Variants in AKNA observed in about 807,000 individuals in gnomAD.
The protein encoded by AKNA is microtubule organization protein AKNA.
In AKNA, 67 loss-of-function variants were observed where a neutral mutation model predicts 138.8. The observed-to-expected ratio is 0.48, with a 90% CI of 0.40 to 0.59. The LOEUF (loss-of-function observed/expected upper bound fraction) is 0.59, where lower values mean the gene tolerates loss of function less well. Ranked by LOEUF, AKNA falls within the 20% of genes least tolerant of loss-of-function variation. AKNA has a pLI of 0.00. For synonymous variants in AKNA, 737 were observed against 754.4 expected (o/e 0.98, Z 0.38); for missense variants, 1,813 against 1,880.4 (o/e 0.96, Z 0.66).
chr9:114,338,636 C>T (rs1418755650), intron 21 of AKNA, among the ~76,000 whole-genome samples: 1 of 152,238 alleles, frequency 6.6e-6, no homozygotes, highest in Admixed American at 6.5e-5. Flanking sequence ...AGCTCAGGCC[C>T]TGGAGCCCTG....
At chr9:114,354,309 T>A (rs1044806392) in intron 14 of AKNA, among the ~76,000 whole-genome samples, 1 of 152,156 alleles carries the variant, frequency 6.6e-6, no homozygotes, top group Non-Finnish European at 1.5e-5. Context: ...AATATCCCTG[T>A]CTTCTACCTC....
intron 17 of AKNA, 125 bp downstream of exon 17, chr9:114,346,544 T>C (rs1173813968): frequency 1.4e-6 from 1 of 716,638 alleles, no homozygotes; most frequent in Non-Finnish European, 2.3e-6. Context: ...TATAATATCC[T>C]AAAACAGATG....
chr9:114,397,829 C>G (rs377229770), upstream of AKNA, among the ~76,000 whole-genome samples: 140 of 152,322 alleles, frequency 9.2e-4, 2 homozygotes, highest in East Asian at 9.7e-3. Context: ...GGCTGCCTAC[C>G]CGACACTGGC....
Position 114,341,726 on chromosome 9 carries a change from C to T in AKNA, c.3875-1G>A. ...CTCCTCGTGGTGGCCTTCTCTGCCC[C>T]TATCAGGGAGGGAACAGCACAGAGA... On this transcript the variant is annotated splice_acceptor_variant, in intron 20 of 21. Coordinates refer to ENST00000374088, the MANE Select transcript of AKNA (RefSeq NM_001317950.2). LOFTEE classifies it high-confidence loss of function. 1.3e-6 allele frequency: 2 copies of T among 1,561,760 alleles called. No homozygotes were observed. The highest frequency in any genetic ancestry group is 1.7e-6 in the Non-Finnish European group (2 of 1,157,732).
intron 6 of AKNA, among the ~76,000 whole-genome samples, chr9:114,366,352 C>T (rs1252965830): frequency 6.6e-6 from 1 of 150,944 alleles, no homozygotes; most frequent in Non-Finnish European, 1.5e-5. Flanking sequence ...ACTTTGAAAA[C>T]ATCATGGTAA....
intron 1 of AKNA, 130 bp from the exon 2 acceptor site, chr9:114,381,576 G>T: frequency 1.1e-6 from 1 of 919,780 alleles, no homozygotes; most frequent in Non-Finnish European, 1.4e-6. Context: ...TCCCGAAGCT[G>T]TGTCACCTTG....
chr9:114,357,105 G>A, intron 12 of AKNA, 136 bp from the exon 13 acceptor site: 1 of 663,448 alleles, frequency 1.5e-6, no homozygotes, highest in Non-Finnish European at 2.4e-6. Context: ...CAACAGCCAG[G>A]CCCAGGAGTG....
At chr9:114,356,254 A>C in intron 13 of AKNA, 118 bp from the exon 14 acceptor site, 1 of 906,260 alleles carries the variant, frequency 1.1e-6, no homozygotes, top group Non-Finnish European at 1.6e-6. Context: ...GTAACTTTGC[A>C]TCTCGGGTGG....
Position 114,381,911 on chromosome 9 carries a change from A to G in AKNA, c.-113-465T>C, listed in dbSNP as rs10982186. On this transcript the variant is annotated intron_variant, in intron 1 of 21. Coordinates refer to ENST00000374088, the MANE Select transcript of AKNA (RefSeq NM_001317950.2). ...TGATCCACCCGCCTTGGCCTCCCAA[A>G]GTGCTGGGATTACAGGTGTGAGCCA... Among the ~76,000 whole-genome samples, 199 of 152,156 alleles carry G rather than the reference A, an allele frequency of 1.3e-3. 5 individuals are homozygous for G. In the East Asian group the frequency reaches 0.031, roughly 23 times the overall value.
At chr9:114,382,748 T>C (rs1833779249) in intron 1 of AKNA, among the ~76,000 whole-genome samples, 2 of 152,172 alleles carry the variant, frequency 1.3e-5, no homozygotes, top group Admixed American at 1.3e-4. Context: ...TATAGTGTGA[T>C]TCTATGGATA....
chr9:114,383,338 A>G (rs750993479), intron 1 of AKNA, among the ~76,000 whole-genome samples: 1 of 151,812 alleles, frequency 6.6e-6, no homozygotes, highest in Non-Finnish European at 1.5e-5. Context: ...CGCTCCTGCT[A>G]TTTCCCTAAG....
chr9:114,332,398 T>A (rs1020886456), downstream of AKNA, among the ~76,000 whole-genome samples: 2 of 152,150 alleles, frequency 1.3e-5, no homozygotes, highest in African/African-American at 4.8e-5. Flanking sequence ...AATTACTGTA[T>A]AATGAGCTCC....
At chr9:114,347,331 T>C (rs1341147234) in intron 16 of AKNA, among the ~76,000 whole-genome samples, 1 of 152,142 alleles carries the variant, frequency 6.6e-6, no homozygotes, top group Non-Finnish European at 1.5e-5. Flanking sequence ...GCAATTCTCC[T>C]GCCTCAGCCT....
intron 20 of AKNA, 25 bp from the exon 21 acceptor site, chr9:114,341,750 G>A: frequency 6.5e-7 from 1 of 1,539,350 alleles, no homozygotes; most frequent in Non-Finnish European, 8.7e-7. Flanking sequence ...ACAGCACAGA[G>A]AGACAGAGTC....
chr9:114,360,244 C>A, intron 9 of AKNA, 182 bp from the exon 10 acceptor site: 1 of 738,864 alleles, frequency 1.4e-6, no homozygotes, highest in African/African-American at 1.7e-5. Context: ...GTCTTCGATA[C>A]TGGCTGCCAT....
chr9:114,340,490 T>G (rs1379711310), intron 21 of AKNA, among the ~76,000 whole-genome samples: 1 of 152,240 alleles, frequency 6.6e-6, no homozygotes, highest in Non-Finnish European at 1.5e-5. Context: ...AGCTACTGTT[T>G]GCTCAGCAAT....
intron 1 of AKNA, among the ~76,000 whole-genome samples, chr9:114,387,178 C>T (rs1834095670): frequency 6.6e-6 from 1 of 152,130 alleles, no homozygotes; most frequent in South Asian, 2.1e-4. Context: ...TCAACCATAC[C>T]CCCACCCACC....
In AKNA at chr9:114,361,845, C is replaced by T. The variant is rs534516846; in HGVS notation, c.1983G>A (p.Gln661=). 276 of 1,612,026 alleles carry T rather than the reference C, an allele frequency of 1.7e-4. 2 individuals are homozygous for T. The South Asian group carries it at 2.9e-3, about 17-fold the overall frequency. ...CLEELKEHID[Q]TQQEPEPPGS... ...CGGGCGGCTCAGGCTCTTGCTGGGT[C>T]TGGTCTATGTGTTCCTTCAGCTCTT... is the stretch of plus-strand genomic sequence containing the variant. Residue 661 remains glutamine, a synonymous_variant, in exon 9 of 22, where the codon CAG becomes CAA. Transcript: ENST00000374088.
Position 114,361,828 on chromosome 9 carries a change from T to G in AKNA, c.2000A>C (p.Glu667Ala). ...EHIDQTQQEP[E>A]PPGSDSALDS... is the part of the protein sequence containing the mutation. Reference sequence around the variant, plus strand: ...CAGAGCTGAGTCTGACCCGGGCGGCTCAGGCTCTTGCTGGGTCTGGTCTAT... The same window carrying G: ...CAGAGCTGAGTCTGACCCGGGCGGCGCAGGCTCTTGCTGGGTCTGGTCTAT... Residue 667 changes from glutamate to alanine, a missense_variant, in exon 9 of 22, where the codon GAG (glutamate) becomes GCG (alanine). Coordinates refer to ENST00000374088, the MANE Select transcript of AKNA (RefSeq NM_001317950.2). 6.2e-7 allele frequency: 1 copy of G among 1,613,202 alleles called. No homozygotes were observed. The highest frequency in any genetic ancestry group is 8.5e-7 in the Non-Finnish European group (1 of 1,180,014).
Sources: gnomAD v4.1 joint callset for allele counts (sites outside exome capture counted in the v4.1 genomes callset) on GRCh38, gnomAD v4.1.1 for gene constraint, MANE v1.5 for transcripts, NCBI Gene and HGNC (gene_info 2026-07-23, HGNC 2026-07-21) for gene names.